Variants in NPY4R2 observed in about 807,000 individuals in gnomAD.
NPY4R2 encodes the protein neuropeptide Y receptor Y4-2.
For missense variants in NPY4R2, 7 were observed against 268.8 expected, an observed-to-expected ratio of 0.03 and a Z score of 6.81; for synonymous variants, 6 against 115.2, an observed-to-expected ratio of 0.05 and a Z score of 6.07.
upstream of NPY4R2, among the ~76,000 whole-genome samples, chr10:47,918,431 A>AAGAAAGAG (rs1554991177): frequency 1.8e-3 from 56 of 31,094 alleles, 4 homozygotes; most frequent in East Asian, 7.5e-3. Flanking sequence ...GAAAGAAAGA[A>AAGAAAGAG]AGAGAGAGAG....
upstream of NPY4R2, among the ~76,000 whole-genome samples, chr10:47,918,381 G>GAA (rs1841033013): frequency 2.2e-3 from 38 of 17,600 alleles, no homozygotes; most frequent in African/African-American, 7.3e-3. Flanking sequence ...GAGAGAGAGA[G>GAA]AGAGAAAGAA....
upstream of NPY4R2, among the ~76,000 whole-genome samples, chr10:47,916,650 C>G (rs1431432434): frequency 7.3e-6 from 1 of 136,688 alleles, no homozygotes; most frequent in African/African-American, 2.5e-5. Flanking sequence ...GGTTCACATG[C>G]TTCTGCCTGG....
chr10:47,915,117 G>A (rs1554992394), upstream of NPY4R2, among the ~76,000 whole-genome samples: 90 of 151,682 alleles, frequency 5.9e-4, no homozygotes, highest in African/African-American at 1.6e-3. Context: ...ATGCTTGGCA[G>A]CTGCCCTTCA....
chr10:47,918,453 A>G, upstream of NPY4R2, among the ~76,000 whole-genome samples: 1 of 45,922 alleles, frequency 2.2e-5, no homozygotes, highest in African/African-American at 9.6e-5. Context: ...AAGACAGCGC[A>G]GCTCCAGCCT....
At chr10:47,921,829 G>A (rs1841767550) in intron 2 of NPY4R2, 100 bp from the exon 3 acceptor site, 1 of 507,558 alleles carries the variant, frequency 2.0e-6, no homozygotes, top group African/African-American at 1.9e-5. Flanking sequence ...TACCAGCCTT[G>A]GGTTGGAAGC....
chr10:47,918,383 G>GAGAGAA (rs1285737308), upstream of NPY4R2, among the ~76,000 whole-genome samples: 8 of 10,500 alleles, frequency 7.6e-4, 1 homozygote, highest in East Asian at 5.3e-3. Context: ...GAGAGAGAGA[G>GAGAGAA]AGAAAGAAAG....
intron 1 of NPY4R2, 24 bp from the exon 2 acceptor site, chr10:47,920,714 A>T (rs1234187513): frequency 7.2e-6 from 1 of 138,766 alleles, no homozygotes; most frequent in Non-Finnish European, 1.6e-5. Context: ...CATCAGAATC[A>T]CATAGTCTAC....
chr10:47,920,623 C>T (rs1379797432), intron 1 of NPY4R2, 115 bp from the exon 2 acceptor site: 2 of 126,632 alleles, frequency 1.6e-5, no homozygotes, highest in African/African-American at 6.0e-5. Context: ...ATACATATGG[C>T]CATGATATGA....
At chr10:47,916,926 A>G (rs1434368043), upstream of NPY4R2, among the ~76,000 whole-genome samples, 1 of 88,690 alleles carries the variant, frequency 1.1e-5, no homozygotes, top group African/African-American at 4.2e-5. Flanking sequence ...TGGTCAAGCA[A>G]TGTTCTCTGA....
upstream of NPY4R2, among the ~76,000 whole-genome samples, chr10:47,918,383 G>GAGAGAGAAAGAAAGAA (rs1285737308): frequency 1.9e-4 from 2 of 10,500 alleles, no homozygotes; most frequent in Non-Finnish European, 3.1e-4. Context: ...GAGAGAGAGA[G>GAGAGAGAAAGAAAGAA]AGAAAGAAAG....
chr10:47,916,625 G>A (rs1554991876), upstream of NPY4R2, among the ~76,000 whole-genome samples: 73 of 136,536 alleles, frequency 5.3e-4, 5 homozygotes, highest in Admixed American at 1.9e-3. Context: ...TAGGCATGAG[G>A]ATGGACTAAG....
upstream of NPY4R2, among the ~76,000 whole-genome samples, chr10:47,914,939 C>A (rs1554992444): frequency 2.0e-5 from 3 of 152,366 alleles, no homozygotes; most frequent in East Asian, 3.8e-4. Context: ...CTTGACCTAT[C>A]TCCTTTGTGC....
chr10:47,920,990 C>T (rs1554990372), intron 2 of NPY4R2, 97 bp downstream of exon 2: 2 of 109,076 alleles, frequency 1.8e-5, no homozygotes, highest in African/African-American at 6.9e-5. Flanking sequence ...TAAATTCCAA[C>T]TCAGTCTTGG....
At chr10:47,918,431 A>AAGAGAGAG (rs113496587), upstream of NPY4R2, among the ~76,000 whole-genome samples, 1 of 31,114 alleles carries the variant, frequency 3.2e-5, no homozygotes, top group East Asian at 5.7e-4. Context: ...GAAAGAAAGA[A>AAGAGAGAG]AGAGAGAGAG....
At chr10:47,918,395 A>G (rs1370880588), upstream of NPY4R2, among the ~76,000 whole-genome samples, 33 of 20,834 alleles carry the variant, frequency 1.6e-3, no homozygotes, top group African/African-American at 0.012. Context: ...GAAAGAAAGA[A>G]AGAAAGAAAG....
chr10:47,916,602 A>T (rs1841668834), upstream of NPY4R2, among the ~76,000 whole-genome samples: 1 of 131,954 alleles, frequency 7.6e-6, no homozygotes, highest in African/African-American at 2.6e-5. Context: ...TGGGATGATC[A>T]TACCACACCA....
chr10:47,918,360 A>G (rs1163943105), upstream of NPY4R2, among the ~76,000 whole-genome samples: 1 of 15,350 alleles, frequency 6.5e-5, no homozygotes, highest in Non-Finnish European at 1.2e-4. Context: ...AGGGAGGGAG[A>G]GAGAGAGAGA....
At chr10:47,918,413 GAAAGAAAGAAAGAAAGAA>G (rs1841694360), upstream of NPY4R2, among the ~76,000 whole-genome samples, 1 of 31,838 alleles carries the variant, frequency 3.1e-5, no homozygotes, top group African/African-American at 2.1e-4. Flanking sequence ...AAGAAAGAAA[GAAAGAAAGAAAGAAAGAA>G]AGAGAGAGAG....
chr10:47,918,383 G>GAGAGAGAAAGAAAGAAAGAA, upstream of NPY4R2, among the ~76,000 whole-genome samples: 1 of 10,502 alleles, frequency 9.5e-5, no homozygotes, highest in East Asian at 1.3e-3. Context: ...GAGAGAGAGA[G>GAGAGAGAAAGAAAGAAAGAA]AGAAAGAAAG....
Sources: allele counts gnomAD v4.1 joint callset (sites outside exome capture counted in the v4.1 genomes callset), GRCh38; gene constraint gnomAD v4.1.1; transcripts MANE v1.5; gene names NCBI Gene and HGNC (gene_info 2026-07-23, HGNC 2026-07-21).